DST: variants seen among roughly 807,000 people sequenced by gnomAD.
DST encodes the protein dystonin, also known as bullous pemphigoid antigen.
A neutral mutation model predicts 875.2 loss-of-function variants in DST; 253 were observed. That is an observed-to-expected ratio of 0.29 (90% CI 0.26 to 0.32). The LOEUF (loss-of-function observed/expected upper bound fraction) is 0.32, where lower values mean the gene tolerates loss of function less well. Among genes scored for constraint, DST ranks in the 10% least tolerant of loss-of-function variants. The pLI is 1.00. For synonymous variants in DST, 3,124 were observed against 3,197.1 expected (o/e 0.98, Z 0.77); for missense variants, 8,287 against 9,111.6 (o/e 0.91, Z 3.68).
intron 98 of DST, chr6:56,467,249 G>A (rs1216353978): frequency 6.6e-6 from 1 of 152,012 alleles, no homozygotes; most frequent in Non-Finnish European, 1.5e-5. Context: ...GGCTCATGAT[G>A]GATAAACAGA....
intron 4 of DST, among the ~76,000 whole-genome samples, chr6:56,802,548 T>C (rs2099748377): frequency 6.6e-6 from 1 of 152,140 alleles, no homozygotes; most frequent in African/African-American, 2.4e-5. Flanking sequence ...AAATATTGAC[T>C]CCTAACTGCC....
intron 9 of DST, among the ~76,000 whole-genome samples, chr6:56,672,360 T>G (rs114718840): frequency 1.1e-3 from 162 of 152,304 alleles, no homozygotes; most frequent in Non-Finnish European, 2.0e-3. Context: ...TGACAAATGG[T>G]CAGGATTTAA....
intron 10 of DST, among the ~76,000 whole-genome samples, chr6:56,652,166 C>A (rs1196065824): frequency 6.6e-6 from 1 of 152,164 alleles, no homozygotes; most frequent in Non-Finnish European, 1.5e-5. Context: ...GTGAGATTTA[C>A]GTAACACCCT....
intron 33 of DST, 54 bp from the exon 34 acceptor site, chr6:56,627,341 T>C: frequency 8.1e-7 from 1 of 1,229,816 alleles, no homozygotes; most frequent in Middle Eastern, 1.9e-4. Context: ...GCTATTCTAC[T>C]ACATAAGATG....
intron 36 of DST, chr6:56,616,563 A>G: frequency 1.9e-6 from 3 of 1,614,178 alleles, no homozygotes; most frequent in Non-Finnish European, 2.5e-6. Context: ...TCTGAGTAAT[A>G]CAGAGCTTGC....
intron 64 of DST, among the ~76,000 whole-genome samples, chr6:56,530,559 T>C (rs2096878836): frequency 6.6e-6 from 1 of 152,204 alleles, no homozygotes; most frequent in South Asian, 2.1e-4. Flanking sequence ...CTTAATCAAA[T>C]GGTCAAAACT....
chr6:56,742,999 G>A (rs956611080), intron 4 of DST, among the ~76,000 whole-genome samples: 2 of 152,136 alleles, frequency 1.3e-5, no homozygotes, highest in African/African-American at 4.8e-5. Context: ...AAATTCCACA[G>A]CCAAAGTGGG....
At chr6:56,560,571 T>C (rs1562800780) in intron 57 of DST, 148 bp from the exon 58 acceptor site, 2 of 740,014 alleles carry the variant, frequency 2.7e-6, no homozygotes, top group Admixed American at 6.1e-5. Context: ...GATTTTGCAA[T>C]TATTTTCCTT....
At chr6:56,873,061 T>A (rs917427594) in intron 3 of DST, among the ~76,000 whole-genome samples, 1 of 152,286 alleles carries the variant, frequency 6.6e-6, no homozygotes, top group East Asian at 1.9e-4. Context: ...TGATATCCCA[T>A]TGTAGTTTTA....
At chr6:56,638,525 C>T (rs1305678580) in intron 22 of DST, among the ~76,000 whole-genome samples, 4 of 151,978 alleles carry the variant, frequency 2.6e-5, no homozygotes, top group African/African-American at 9.7e-5. Context: ...TTTTTTTCCT[C>T]TGGCAAAATA....
chr6:56,784,109 A>C (rs13191388), intron 4 of DST, among the ~76,000 whole-genome samples: 2 of 151,998 alleles, frequency 1.3e-5, no homozygotes, highest in Non-Finnish European at 2.9e-5. Flanking sequence ...TAGTCTGATG[A>C]GCTTCCCTTT....
chr6:56,824,584 T>C (rs1460816507), intron 4 of DST, among the ~76,000 whole-genome samples: 2 of 147,592 alleles, frequency 1.4e-5, no homozygotes, highest in African/African-American at 5.1e-5. Context: ...CGGCCGCCCA[T>C]CGTCTGAGAT....
At chr6:56,856,176 G>C (rs1420512982) in intron 3 of DST, among the ~76,000 whole-genome samples, 1 of 152,172 alleles carries the variant, frequency 6.6e-6, no homozygotes, top group Admixed American at 6.5e-5. Context: ...AACATTTTTA[G>C]AAGGGGAACT....
intron 54 of DST, 42 bp downstream of exon 54, chr6:56,569,814 T>C: frequency 6.5e-7 from 1 of 1,545,644 alleles, no homozygotes; most frequent in South Asian, 1.2e-5. Context: ...TCTTTCATTA[T>C]TGACACAAAT....
chr6:56,550,414 CAAAT>C (rs1216172479), intron 61 of DST, among the ~76,000 whole-genome samples: 2 of 152,138 alleles, frequency 1.3e-5, no homozygotes, highest in African/African-American at 4.8e-5. Flanking sequence ...TCTTCACAAT[CAAAT>C]AAAACAATCT....
rs186997553 is a variant in DST at position 56,688,841 on chromosome 6, A to G, written c.1047+10812T>C. 8.5e-5 allele frequency among the ~76,000 whole-genome samples: 13 copies of G among 152,326 alleles called. 1 individual carries two copies. The highest frequency in any genetic ancestry group is 2.9e-4 in the African/African-American group (12 of 41,576). The stretch of plus-strand genomic sequence containing the variant: ...TCTCTGAGTGCCTAGTTTGGGTTCA[A>G]TACATAATAAATGTTTCATAAAGAA... On this transcript the variant is annotated intron_variant, in intron 9 of 103. Transcript: ENST00000680361.
chr6:56,812,298 A>C lies in DST; in HGVS notation c.625+39099T>G, dbSNP rs1412741482. Among the ~76,000 whole-genome samples the C allele has an allele frequency of 4.6e-5, 7 of 152,218 alleles. No individual in the cohort carries two copies. In the East Asian group the frequency reaches 1.4e-3, roughly 29 times the overall value. On this transcript the variant is annotated intron_variant, in intron 4 of 103. Coordinates refer to ENST00000680361, the MANE Select transcript of DST (RefSeq NM_001374736.1). ...TGTTTGAAACTGAAATCACTCCCTT[A>C]AAAATAAACTCAAATGTTTTTCTAC...
chr6:56,580,117 C>A (rs986864069), intron 49 of DST, among the ~76,000 whole-genome samples: 1 of 152,148 alleles, frequency 6.6e-6, no homozygotes, highest in Non-Finnish European at 1.5e-5. Flanking sequence ...CTACCAACTA[C>A]AGGTAGCTTT....
rs7746513 is a variant in DST at position 56,472,240 on chromosome 6, C to A, written c.21995-18G>T. 1 of 1,610,898 alleles carries A rather than the reference C, an allele frequency of 6.2e-7. No individual in the cohort carries two copies. Among genetic ancestry groups the A allele is most frequent in the African/African-American group, 1.3e-5 (1 of 74,984 alleles). On this transcript the variant is annotated intron_variant, in intron 93 of 103. Transcript: ENST00000680361. ...GCGTTTTCCTGTGAAGGTATAACTT[C>A]GGTTAGGATGGCAGTTTCCAGGGTG...
Sources: allele counts gnomAD v4.1 joint callset (sites outside exome capture counted in the v4.1 genomes callset), GRCh38; gene constraint gnomAD v4.1.1; transcripts MANE v1.5; gene names NCBI Gene and HGNC (gene_info 2026-07-23, HGNC 2026-07-21).